The following PDE1C variants were observed in gnomAD, a reference collection of about 807,000 sequenced individuals.
PDE1C encodes dual specificity calcium/calmodulin-dependent 3',5'-cyclic nucleotide phosphodiesterase 1C.
In PDE1C, 62 loss-of-function variants were observed where a neutral mutation model predicts 93.1. The observed-to-expected ratio is 0.67, with a 90% CI of 0.54 to 0.82. PDE1C has a LOEUF of 0.82. PDE1C is among the 40% of genes least tolerant of loss of function. The pLI, the probability that PDE1C is intolerant of heterozygous loss-of-function variation, is 0.00. For missense variants in PDE1C, 742 were observed against 884.6 expected, an observed-to-expected ratio of 0.84 and a Z score of 2.04; for synonymous variants, 325 against 310.1, an observed-to-expected ratio of 1.05 and a Z score of -0.50.
rs550344024 is a variant in PDE1C, at chr7:32,153,695, G to A, written c.308+16090C>T. On this transcript the variant is annotated intron_variant, in intron 3 of 18. Transcript: ENST00000396193. ...GAAATCTGAACAGGATAGAGCCCAC[G>A]TAGTGTAGTCAAAGGCAAGATTTTC... Among the ~76,000 whole-genome samples, 19 of 152,340 alleles carry A rather than the reference G, an allele frequency of 1.2e-4. 1 individual carries two copies. The South Asian group carries it at 2.9e-3, about 23-fold the overall frequency.
chr7:32,170,768 C>A (rs1802595092), intron 2 of PDE1C, among the ~76,000 whole-genome samples: 1 of 152,064 alleles, frequency 6.6e-6, no homozygotes, highest in African/African-American at 2.4e-5. Flanking sequence ...GCCCCACTCT[C>A]CCCCAACCCC....
chr7:32,157,715 A>G (rs1801665619), intron 3 of PDE1C, among the ~76,000 whole-genome samples: 1 of 152,232 alleles, frequency 6.6e-6, no homozygotes, highest in Non-Finnish European at 1.5e-5. Context: ...CTGAAAGGTC[A>G]TGATGTCTAC....
chr7:31,652,542 C>A, the PDE1C span: 1 of 1,604,618 alleles, frequency 6.2e-7, no homozygotes, highest in South Asian at 1.1e-5. Context: ...CACAGCAGAG[C>A]CACCTGAACA....
At chr7:32,278,217 C>A (rs186950587) in intron 1 of PDE1C, among the ~76,000 whole-genome samples, 2 of 150,830 alleles carry the variant, frequency 1.3e-5, no homozygotes, top group African/African-American at 4.9e-5. Flanking sequence ...AGGTTTAGAA[C>A]CAAACTGATG....
At chr7:32,086,914 T>C (rs1247187648) in intron 3 of PDE1C, among the ~76,000 whole-genome samples, 2 of 150,996 alleles carry the variant, frequency 1.3e-5, no homozygotes, top group African/African-American at 4.9e-5. Context: ...GAAGAAAACC[T>C]AGCCATTACC....
chr7:31,912,965 T>C (rs971793956), intron 2 of PDE1C, among the ~76,000 whole-genome samples: 1 of 152,208 alleles, frequency 6.6e-6, no homozygotes, highest in Non-Finnish European at 1.5e-5. Flanking sequence ...AATGTCTGGC[T>C]AGACCAAGCA....
chr7:32,017,534 A>T (rs1247949935), intron 2 of PDE1C, among the ~76,000 whole-genome samples: 1 of 152,186 alleles, frequency 6.6e-6, no homozygotes, highest in Non-Finnish European at 1.5e-5. Flanking sequence ...TGTGCTTTAA[A>T]TGATACCATC....
At chr7:31,974,738 C>G (rs1811423957) in intron 2 of PDE1C, among the ~76,000 whole-genome samples, 2 of 152,166 alleles carry the variant, frequency 1.3e-5, no homozygotes, top group South Asian at 2.1e-4. Context: ...CTTAAAAAAC[C>G]TGTAGTGTGG....
chr7:32,344,925 A>T (rs532696524), intron 1 of PDE1C, among the ~76,000 whole-genome samples: 2 of 152,252 alleles, frequency 1.3e-5, no homozygotes, highest in South Asian at 4.2e-4. Context: ...TTCCCAAGTC[A>T]TCCCTTTATC....
At chr7:31,808,943 C>A in intron 16 of PDE1C, 88 bp downstream of exon 16, 1 of 730,816 alleles carries the variant, frequency 1.4e-6, no homozygotes, top group Non-Finnish European at 2.4e-6. Flanking sequence ...ATATTCACAA[C>A]CACTATTTCA....
intron 2 of PDE1C, among the ~76,000 whole-genome samples, chr7:31,916,327 T>C (rs1465792428): frequency 6.6e-6 from 1 of 152,176 alleles, no homozygotes; most frequent in Non-Finnish European, 1.5e-5. Context: ...TGTAAGTGAT[T>C]GTCAAATAAA....
intron 6 of PDE1C, among the ~76,000 whole-genome samples, 156 bp downstream of exon 6, chr7:31,873,136 A>G (rs1476478680): frequency 6.6e-6 from 1 of 152,218 alleles, no homozygotes; most frequent in Admixed American, 6.5e-5. Context: ...CACCCTCCAC[A>G]GAGGAATTCA....
chr7:32,323,690 G>A (rs192839462), intron 1 of PDE1C, among the ~76,000 whole-genome samples: 29 of 152,302 alleles, frequency 1.9e-4, no homozygotes, highest in Non-Finnish European at 4.0e-4. Context: ...AGGGAATACA[G>A]ATGCCTGGTC....
chr7:31,704,487 A>G, the PDE1C span, among the ~76,000 whole-genome samples: 1 of 152,232 alleles, frequency 6.6e-6, no homozygotes, highest in Non-Finnish European at 1.5e-5. Flanking sequence ...GACGAAGGGA[A>G]GGAAATGACA....
intron 2 of PDE1C, among the ~76,000 whole-genome samples, chr7:31,943,723 G>A (rs1806172494): frequency 6.6e-6 from 1 of 151,984 alleles, no homozygotes; most frequent in Non-Finnish European, 1.5e-5. Flanking sequence ...TGTGAGTGAG[G>A]ATCTCCTGCC....
At chr7:31,929,111 CA>C (rs200334154) in intron 2 of PDE1C, among the ~76,000 whole-genome samples, 58,860 of 141,062 alleles carry the variant, frequency 0.42, 11,782 homozygotes, top group Non-Finnish European at 0.46. Flanking sequence ...AAATGGAAAG[CA>C]AAAAAAAAAA....
At chr7:32,191,095 G>A (rs1804199051) in intron 2 of PDE1C, among the ~76,000 whole-genome samples, 2 of 152,104 alleles carry the variant, frequency 1.3e-5, no homozygotes, top group Admixed American at 6.5e-5. Context: ...GTACTCTAAG[G>A]GCTTTGACTT....
intron 2 of PDE1C, among the ~76,000 whole-genome samples, chr7:31,943,683 G>A (rs1806166312): frequency 6.6e-6 from 1 of 152,052 alleles, no homozygotes. Context: ...CCAAATTTCT[G>A]TATACTAAGG....
At chr7:31,680,170 C>T in the PDE1C span, among the ~76,000 whole-genome samples, 2 of 152,144 alleles carry the variant, frequency 1.3e-5, no homozygotes, top group Non-Finnish European at 1.5e-5. Flanking sequence ...GATTAGTAAC[C>T]GAATGAAAGC....
Sources: allele counts gnomAD v4.1 joint callset (sites outside exome capture counted in the v4.1 genomes callset), GRCh38; gene constraint gnomAD v4.1.1; transcripts MANE v1.5; gene names NCBI Gene and HGNC (gene_info 2026-07-23, HGNC 2026-07-21).